The following PLEKHA1 variants were observed in gnomAD, a reference collection of about 807,000 sequenced individuals.
The protein encoded by PLEKHA1 is pleckstrin homology domain-containing family A member 1.
PLEKHA1 carries 34 observed loss-of-function variants against 52.0 expected under a neutral mutation model. The ratio of observed to expected loss-of-function variants is 0.65; its 90% CI spans 0.50 to 0.87. The LOEUF (loss-of-function observed/expected upper bound fraction) is 0.87, where lower values mean the gene tolerates loss of function less well. Ranked by LOEUF, PLEKHA1 falls within the 40% of genes least tolerant of loss-of-function variation. The pLI is 0.00. For missense variants in PLEKHA1, 497 were observed against 504.2 expected (o/e 0.99, Z 0.14); for synonymous variants, 163 against 170.7 (o/e 0.95, Z 0.35).
chr10:122,406,673 A>T lies in PLEKHA1; in HGVS notation c.342A>T (p.Thr114=). 1 of 1,592,504 alleles carries T rather than the reference A, an allele frequency of 6.3e-7. No homozygotes were observed. Among genetic ancestry groups the T allele is most frequent in the Non-Finnish European group, 8.6e-7 (1 of 1,161,284 alleles). The stretch of plus-strand genomic sequence containing the variant: ...TGTTAAACAAAGCTATAAAAATTAC[A>T]GTAAGTATATGTATTTTTTTGAAAA... ...VNVLNKAIKI[T]VPKQSDSQPN... is the part of the protein sequence containing the mutation. The change falls in exon 5 of 12, where the codon ACA becomes ACT. Residue 114 remains threonine (T), a splice_region_variant and synonymous_variant. Coordinates refer to ENST00000368990, the MANE Select transcript of PLEKHA1 (RefSeq NM_001001974.4).
intron 7 of PLEKHA1, chr10:122,417,072 C>CT (rs1272700696): frequency 1.3e-5 from 2 of 152,704 alleles, no homozygotes; most frequent in East Asian, 3.9e-4. Context: ...TTGTTTTACT[C>CT]TTAAGTCCAA....
chr10:122,390,354 A>G (rs1011221364), intron 1 of PLEKHA1, among the ~76,000 whole-genome samples: 3 of 152,192 alleles, frequency 2.0e-5, no homozygotes, highest in Non-Finnish European at 4.4e-5. Context: ...AGCACTTTTA[A>G]TTTCCTTCAG....
rs1194587136 is a variant in PLEKHA1, at chr10:122,393,580, G to GAA, written c.141+241_141+242dup. Among the ~76,000 whole-genome samples, 1 of 152,096 alleles carries GAA rather than the reference G, an allele frequency of 6.6e-6. No homozygotes were observed. The highest frequency in any genetic ancestry group is 1.5e-5 in the Non-Finnish European group (1 of 68,014). On this transcript the variant is annotated intron_variant, in intron 2 of 11. Transcript: ENST00000368990. This position sits in a 1 kb window ranked among gnomAD's most constrained non-coding sequence, Gnocchi z 4.5. The stretch of plus-strand genomic sequence containing the variant: ...CTGTATATATTTTTCCCTCGAGAGA[G>GAA]AAATACTCTCTCTGGTGGCAAATTA...
chr10:122,376,174 TTAAAA>T (rs926534106), intron 1 of PLEKHA1, among the ~76,000 whole-genome samples: 1 of 152,190 alleles, frequency 6.6e-6, no homozygotes, highest in African/African-American at 2.4e-5. Flanking sequence ...ACCCGTTATA[TTAAAA>T]TAATAAGATT....
intron 4 of PLEKHA1, among the ~76,000 whole-genome samples, chr10:122,401,014 T>A (rs954013209): frequency 1.3e-5 from 2 of 152,160 alleles, no homozygotes; most frequent in Admixed American, 1.3e-4. Context: ...ATTGGGGAGC[T>A]CAGGAGTCGG....
intron 5 of PLEKHA1, among the ~76,000 whole-genome samples, chr10:122,407,294 C>T (rs117802070): frequency 0.03 from 4,512 of 152,210 alleles, 88 homozygotes; most frequent in Non-Finnish European, 0.042. Flanking sequence ...TCCCATGCTA[C>T]AATTTCTTGC....
In PLEKHA1 at chr10:122,432,081, A is replaced by G. The variant is rs1275356390; in HGVS notation, c.*2143A>G. ...CTGGTGATTGTCAGGGTCTCCTAAT[A>G]TTTATCTCAATTCTTTTATAAGTCT... is the stretch of plus-strand genomic sequence containing the variant. On this transcript the variant is annotated 3_prime_UTR_variant, in exon 12 of 12. Transcript: ENST00000368990. 1 of 152,180 alleles carries G rather than the reference A, an allele frequency of 6.6e-6. No individual in the cohort carries two copies. The highest frequency in any genetic ancestry group is 2.4e-5 in the African/African-American group (1 of 41,434). The allele number at this position is 152,180 out of a possible 1,614,324, so 9.4% of individuals were successfully genotyped here.
rs2097021054 is a variant in PLEKHA1, at chr10:122,406,692, T to C, written c.342+19T>C. 6.6e-7 allele frequency: 1 copy of C among 1,520,032 alleles called. No individual in the cohort carries two copies. Among genetic ancestry groups the C allele is most frequent in the African/African-American group, 1.4e-5 (1 of 72,640 alleles). 94.2% of individuals were successfully genotyped at this position (1,520,032 alleles called of 1,614,324 possible). Reference sequence around the variant, plus strand: ...AATTACAGTAAGTATATGTATTTTTTTGAAAAACGTTCGATGTCTGGAATT... The same window carrying C: ...AATTACAGTAAGTATATGTATTTTTCTGAAAAACGTTCGATGTCTGGAATT... On this transcript the variant is annotated intron_variant, in intron 5 of 11. Coordinates refer to ENST00000368990, the MANE Select transcript of PLEKHA1 (RefSeq NM_001001974.4).
intron 11 of PLEKHA1, 28 bp from the exon 12 acceptor site, chr10:122,429,596 C>A (rs779939732): frequency 2.5e-6 from 4 of 1,601,322 alleles, no homozygotes; most frequent in South Asian, 1.1e-5. Context: ...AGTGACTGAC[C>A]GTGTCTGACT....
At chr10:122,390,161 G>T (rs1275298929) in intron 1 of PLEKHA1, among the ~76,000 whole-genome samples, 2 of 152,178 alleles carry the variant, frequency 1.3e-5, no homozygotes, top group East Asian at 1.9e-4. Flanking sequence ...CTGGCTTCCA[G>T]CTTTCTTCCT....
intron 11 of PLEKHA1, chr10:122,428,492 T>A (rs1267065568): frequency 1.6e-6 from 2 of 1,241,150 alleles, no homozygotes; most frequent in Non-Finnish European, 2.0e-6. Flanking sequence ...ACTGTTTCAC[T>A]GTAGTCATCA....
chr10:122,398,788 G>A (rs370852738), intron 3 of PLEKHA1, among the ~76,000 whole-genome samples: 1 of 152,030 alleles, frequency 6.6e-6, no homozygotes, highest in East Asian at 1.9e-4. Flanking sequence ...ATGTGCCTCT[G>A]TTTAGAAGAT....
chr10:122,430,950 G>C lies in PLEKHA1; in HGVS notation c.*1012G>C, dbSNP rs1484227176. ...TCAGTAGAATAGTTGAATGTGTTAAGATAGGATTTTATGTTAGAGATACCA... is the reference window on the plus strand; with the variant it reads ...TCAGTAGAATAGTTGAATGTGTTAACATAGGATTTTATGTTAGAGATACCA... On this transcript the variant is annotated 3_prime_UTR_variant, in exon 12 of 12. Transcript: ENST00000368990. 6.6e-6 allele frequency: 1 copy of C among 152,562 alleles called. No homozygotes were observed. The highest frequency in any genetic ancestry group is 1.5e-5 in the Non-Finnish European group (1 of 68,026). The allele number at this position is 152,562 out of a possible 1,614,324, so 9.5% of individuals were successfully genotyped here.
Position 122,403,181 on chromosome 10 carries a change from A to G in PLEKHA1, c.244+2793A>G, listed in dbSNP as rs1182640304. On this transcript the variant is annotated intron_variant, in intron 4 of 11. Coordinates refer to ENST00000368990, the MANE Select transcript of PLEKHA1 (RefSeq NM_001001974.4). ...CAAAACTCATTTTGCATTTCTTTGA[A>G]AAAGTCAAAGAAATCTGAAAGTACA... Among the ~76,000 whole-genome samples, 4 of 152,242 alleles carry G rather than the reference A, an allele frequency of 2.6e-5. No homozygotes were observed. In the East Asian group the frequency reaches 5.8e-4, roughly 22 times the overall value.
rs1456846678 is a variant in PLEKHA1 at position 122,424,219 on chromosome 10, A to G, written c.702A>G (p.Val234=). ...KSELEKEPLR[V]IPLKEVHKVQ... Reference sequence around the variant, plus strand: ...GCCAGGAAAAGGAACCTCTTCGTGTAATACCACTTAAAGAGGTTCATAAAG... The same window carrying G: ...GCCAGGAAAAGGAACCTCTTCGTGTGATACCACTTAAAGAGGTTCATAAAG... The change falls in exon 9 of 12, where the codon GTA becomes GTG. Residue 234 remains valine, a synonymous_variant. Coordinates refer to ENST00000368990, the MANE Select transcript of PLEKHA1 (RefSeq NM_001001974.4). 1 of 1,563,948 alleles carries G rather than the reference A, an allele frequency of 6.4e-7. No individual in the cohort carries two copies. The highest frequency in any genetic ancestry group is 1.2e-5 in the South Asian group (1 of 84,898).
At chr10:122,391,993 A>G (rs1366561486) in intron 1 of PLEKHA1, among the ~76,000 whole-genome samples, 1 of 152,140 alleles carries the variant, frequency 6.6e-6, no homozygotes, top group Non-Finnish European at 1.5e-5. Flanking sequence ...TAGTTATGTA[A>G]ATTCATCCTG....
chr10:122,383,777 C>T (rs2096649796), intron 1 of PLEKHA1, among the ~76,000 whole-genome samples: 1 of 152,010 alleles, frequency 6.6e-6, no homozygotes, highest in East Asian at 1.9e-4. Context: ...TTAAGTATGT[C>T]AGTGTTTTTT....
At chr10:122,422,143 A>G (rs1223437447) in intron 8 of PLEKHA1, 2 of 152,234 alleles carry the variant, frequency 1.3e-5, no homozygotes, top group Non-Finnish European at 2.9e-5. Context: ...TCATAAATAA[A>G]TAAATGGAGA....
At chr10:122,396,862 T>C (rs150036059) in intron 2 of PLEKHA1, among the ~76,000 whole-genome samples, 1 of 152,218 alleles carries the variant, frequency 6.6e-6, no homozygotes, top group East Asian at 1.9e-4. Flanking sequence ...TTGTCTGGTT[T>C]TCCTACCTCT....
Sources: allele counts gnomAD v4.1 joint callset (sites outside exome capture counted in the v4.1 genomes callset), GRCh38; gene constraint gnomAD v4.1.1; non-coding constraint Gnocchi (gnomAD v3.1); transcripts MANE v1.5; gene names NCBI Gene and HGNC (gene_info 2026-07-23, HGNC 2026-07-21).